The following FRMPD4 variants were observed in gnomAD, a reference collection of about 807,000 sequenced individuals.
The protein encoded by FRMPD4 is FERM and PDZ domain-containing protein 4.
In FRMPD4, 22 loss-of-function variants were observed where a neutral mutation model predicts 94.1. That is an observed-to-expected ratio of 0.23 (90% CI 0.17 to 0.33). The LOEUF (loss-of-function observed/expected upper bound fraction) is 0.33, where lower values mean the gene tolerates loss of function less well. Ranked by LOEUF, FRMPD4 falls within the 10% of genes least tolerant of loss-of-function variation. The pLI is 1.00. For synonymous variants in FRMPD4, 631 were observed against 548.6 expected (o/e 1.15, Z -2.10); for missense variants, 1,111 against 1,339.9 (o/e 0.83, Z 2.67).
chrX:12,112,152 C>G (rs369994419), intron 3 of FRMPD4, among the ~76,000 whole-genome samples: 37 of 111,802 alleles, frequency 3.3e-4, no homozygotes, highest in Middle Eastern at 4.6e-3. Context: ...CAATAGCAAA[C>G]ACTTGGAACC....
rs1388929492 is a variant in FRMPD4 at position 12,631,216 on chromosome X, C to T, written c.422+16335C>T. ...GGGAGCAGTTTGGCTGAGCATATTG[C>T]CAGTCTCTGCACACATTATGTTTTA... is the stretch of plus-strand genomic sequence containing the variant. On this transcript the variant is annotated intron_variant, in intron 4 of 16. Coordinates refer to ENST00000675598, the MANE Select transcript of FRMPD4 (RefSeq NM_001368397.1). Among the ~76,000 whole-genome samples, 3 of 111,467 alleles carry T rather than the reference C, an allele frequency of 2.7e-5. No individual in the cohort carries two copies. In the Admixed American group the frequency reaches 2.9e-4, roughly 11 times the overall value.
chrX:12,698,434 C>T (rs1347328305), intron 9 of FRMPD4, among the ~76,000 whole-genome samples: 2 of 111,175 alleles, frequency 1.8e-5, no homozygotes, highest in African/African-American at 6.5e-5. Context: ...TTTTCAAATA[C>T]TATAGTACTA....
intron 3 of FRMPD4, among the ~76,000 whole-genome samples, chrX:11,995,005 T>C (rs1464197217): frequency 2.7e-5 from 3 of 111,921 alleles, no homozygotes; most frequent in Non-Finnish European, 3.8e-5. Context: ...AAAAATCCTT[T>C]TTTCCTGGTT....
At chrX:12,511,682 T>C (rs2058044284) in intron 2 of FRMPD4, among the ~76,000 whole-genome samples, 2 of 111,504 alleles carry the variant, frequency 1.8e-5, no homozygotes, top group African/African-American at 6.5e-5. Flanking sequence ...ATTGTATGCA[T>C]GATGGGAGTC....
At chrX:12,011,836 CATT>C (rs1344137672) in intron 3 of FRMPD4, among the ~76,000 whole-genome samples, 1 of 110,415 alleles carries the variant, frequency 9.1e-6, no homozygotes, top group African/African-American at 3.3e-5. Context: ...AGGCAATTCT[CATT>C]ATTTCTTTGC....
At chrX:12,379,505 A>C (rs2056289258) in intron 1 of FRMPD4, among the ~76,000 whole-genome samples, 1 of 111,927 alleles carries the variant, frequency 8.9e-6, no homozygotes, top group African/African-American at 3.2e-5. Flanking sequence ...TTAGATCTTC[A>C]AGGTATTTTC....
chrX:11,925,813 A>C (rs1373245072), intron 3 of FRMPD4, among the ~76,000 whole-genome samples: 1 of 111,597 alleles, frequency 9.0e-6, no homozygotes, highest in Non-Finnish European at 1.9e-5. Context: ...GAAAGATCTC[A>C]AGCTAACAAC....
chrX:12,585,209 G>A (rs936896544), intron 2 of FRMPD4, among the ~76,000 whole-genome samples: 6 of 89,242 alleles, frequency 6.7e-5, no homozygotes, highest in African/African-American at 2.6e-4. Context: ...TCAGCACCGC[G>A]CCTAGCCAAA....
chrX:12,545,662 G>C (rs1422073654), intron 2 of FRMPD4, among the ~76,000 whole-genome samples: 1 of 112,942 alleles, frequency 8.9e-6, no homozygotes, highest in African/African-American at 3.2e-5. Context: ...CTGCAGACTG[G>C]TTACATCTAC....
At chrX:12,495,630 C>T (rs778261072) in intron 1 of FRMPD4, among the ~76,000 whole-genome samples, 13 of 111,329 alleles carry the variant, frequency 1.2e-4, no homozygotes, top group Non-Finnish European at 2.1e-4. Context: ...CAGGTGATGC[C>T]GCTATTGCTG....
chrX:12,453,542 GT>G (rs1022276991), intron 1 of FRMPD4, among the ~76,000 whole-genome samples: 1 of 111,352 alleles, frequency 9.0e-6, no homozygotes. Context: ...TAAGGTCATC[GT>G]TTTTTTCATT....
chrX:12,719,079 C>T (rs1213100492), intron 16 of FRMPD4, among the ~76,000 whole-genome samples: 1 of 112,272 alleles, frequency 8.9e-6, no homozygotes, highest in Admixed American at 9.4e-5. Context: ...TTAGCAATGC[C>T]CAGTGTGACT....
At chrX:12,524,237 C>A (rs1365116334) in intron 2 of FRMPD4, among the ~76,000 whole-genome samples, 1 of 112,284 alleles carries the variant, frequency 8.9e-6, no homozygotes, top group Non-Finnish European at 1.9e-5. Context: ...GCAAAGGGGA[C>A]TTCCTTATTA....
intron 3 of FRMPD4, among the ~76,000 whole-genome samples, chrX:11,891,897 C>T (rs1461975271): frequency 8.9e-6 from 1 of 112,203 alleles, no homozygotes; most frequent in Non-Finnish European, 1.9e-5. Flanking sequence ...GCTCCAAGAA[C>T]AGTTCCTGGC....
rs1043748064 is a variant in FRMPD4, at chrX:12,564,947, G to A, written c.159-44774G>A. Among the ~76,000 whole-genome samples, 6 of 110,784 alleles carry A rather than the reference G, an allele frequency of 5.4e-5. No individual in the cohort carries two copies. In the South Asian group the frequency reaches 1.6e-3, roughly 29 times the overall value. ...TAACAAAATAGTAGCATGGCCGGGC[G>A]TGGTGGCGGGTGCCTGTAATCCCAG... On this transcript the variant is annotated intron_variant, in intron 2 of 16. Transcript: ENST00000675598.
At position 12,717,092 on chromosome X, in the gene FRMPD4, C is replaced by T; in HGVS notation, c.2633C>T (p.Ala878Val). 8.4e-7 allele frequency: 1 copy of T among 1,193,234 alleles called. No individual in the cohort carries two copies. ...GTCTCCACGCTGGGAGCTCTAGAGG[C>T]TCTATCCGTGTCAGAAGAACAGCAG... ...AVVSTLGALE[A>V]LSVSEEQQTS... The change falls in exon 15 of 17, where the codon GCT becomes GTT. Residue 878 changes from alanine (A) to valine (V), a missense_variant. Transcript: ENST00000675598.
rs1294467931 is a variant in FRMPD4 at position 12,667,005 on chromosome X, C to CATGAAGTGAGAGTTCAACACT, written c.423-7836_423-7816dup. 3.0e-3 allele frequency among the ~76,000 whole-genome samples: 342 copies of CATGAAGTGAGAGTTCAACACT among 112,423 alleles called. 1 individual carries two copies. Among genetic ancestry groups the CATGAAGTGAGAGTTCAACACT allele is most frequent in the Non-Finnish European group, 4.1e-3 (217 of 53,200 alleles). ...AATCCTATGTGTGCATGTGTATACCCATGAAGTGAGAGTTCAACACTATGA... is the reference window on the plus strand; with the variant it reads ...AATCCTATGTGTGCATGTGTATACCCATGAAGTGAGAGTTCAACACTATGAAGTGAGAGTTCAACACTATGA... On this transcript the variant is annotated intron_variant, in intron 4 of 16. Transcript: ENST00000675598.
chrX:12,617,338 T>A (rs2059245616), intron 4 of FRMPD4, among the ~76,000 whole-genome samples: 1 of 112,734 alleles, frequency 8.9e-6, no homozygotes, highest in Admixed American at 9.4e-5. Context: ...CCATGTTTGC[T>A]CATTTGCATT....
chrX:12,240,632 A>G (rs950744051), intron 1 of FRMPD4, among the ~76,000 whole-genome samples: 9 of 112,478 alleles, frequency 8.0e-5, no homozygotes, highest in African/African-American at 2.3e-4. Flanking sequence ...TAGTCACAAA[A>G]TGAAAGACAA....
Sources: allele counts gnomAD v4.1 joint callset (sites outside exome capture counted in the v4.1 genomes callset), GRCh38; gene constraint gnomAD v4.1.1; transcripts MANE v1.5; gene names NCBI Gene and HGNC (gene_info 2026-07-23, HGNC 2026-07-21).